Variants in KCNN3 observed in about 807,000 individuals in gnomAD.
KCNN3 encodes potassium calcium-activated channel subfamily N member 3.
A neutral mutation model predicts 62.9 loss-of-function variants in KCNN3; 16 were observed. The ratio of observed to expected loss-of-function variants is 0.25; its 90% CI spans 0.17 to 0.39. KCNN3 has a LOEUF of 0.39. Among genes scored for constraint, KCNN3 ranks in the 10% least tolerant of loss-of-function variants. KCNN3 has a pLI of 1.00. For synonymous variants in KCNN3, 370 were observed against 389.2 expected, an observed-to-expected ratio of 0.95 and a Z score of 0.58; for missense variants, 599 against 949.4, an observed-to-expected ratio of 0.63 and a Z score of 4.85.
chr1:154,807,968 G>A (rs1390599616), intron 2 of KCNN3, among the ~76,000 whole-genome samples: 2 of 152,076 alleles, frequency 1.3e-5, no homozygotes, highest in Non-Finnish European at 2.9e-5. Context: ...GTACTCTAAG[G>A]TCAGAGCAGG....
chr1:154,772,665 T>C lies in KCNN3; in HGVS notation c.1030-272A>G, dbSNP rs1389050690. Among the ~76,000 whole-genome samples the C allele has an allele frequency of 1.3e-5, 2 of 152,238 alleles. No individual in the cohort carries two copies. The highest frequency in any genetic ancestry group is 4.8e-5 in the African/African-American group (2 of 41,466). On this transcript the variant is annotated intron_variant, in intron 2 of 7. Coordinates refer to ENST00000271915, the MANE Select transcript of KCNN3 (RefSeq NM_002249.6). The surrounding 1 kb of genome is among the most constrained non-coding windows in gnomAD (Gnocchi z 5.6). ...CTGCAAATCGCTGCCTGAGATATAG[T>C]GATTTATAATAAGAAATAATGTACT...
At position 154,772,914 on chromosome 1, in the gene KCNN3, G is replaced by A. The variant is rs920306098; in HGVS notation, c.1030-521C>T. ...ACCTCCTGAGAAGGAAGAGGGGCCC[G>A]AAGGTTGAGTTGATCACCAATGGCC... On this transcript the variant is annotated intron_variant, in intron 2 of 7. Transcript: ENST00000271915. The surrounding 1 kb of genome is among the most constrained non-coding windows in gnomAD (Gnocchi z 5.6). Among the ~76,000 whole-genome samples, 1 of 152,124 alleles carries A rather than the reference G, an allele frequency of 6.6e-6. No homozygotes were observed. The highest frequency in any genetic ancestry group is 1.5e-5 in the Non-Finnish European group (1 of 68,024).
At chr1:154,807,263 G>GA (rs1223756072) in intron 2 of KCNN3, among the ~76,000 whole-genome samples, 2 of 152,076 alleles carry the variant, frequency 1.3e-5, no homozygotes, top group Non-Finnish European at 2.9e-5. Flanking sequence ...CTGAGAAGAG[G>GA]AAAAAATGTC....
At chr1:154,736,239 C>CCCAAATTAAGTGCTCACTAAATGTCAG (rs1700709178) in intron 3 of KCNN3, among the ~76,000 whole-genome samples, 1 of 152,164 alleles carries the variant, frequency 6.6e-6, no homozygotes, top group African/African-American at 2.4e-5. Context: ...AGCACAGTGA[C>CCCAAATTAAGTGCTCACTAAATGTCAG]CCAAATTAAG....
At chr1:154,852,328 C>T (rs1473227613) in intron 1 of KCNN3, among the ~76,000 whole-genome samples, 2 of 151,418 alleles carry the variant, frequency 1.3e-5, no homozygotes, top group East Asian at 3.9e-4. Flanking sequence ...CTCAACCTCC[C>T]AAGTAGCTAG....
chr1:154,862,428 G>A lies in KCNN3; in HGVS notation c.933+6604C>T, dbSNP rs1652804096. 6.6e-6 allele frequency among the ~76,000 whole-genome samples: 1 copy of A among 152,158 alleles called. No homozygotes were observed. Among genetic ancestry groups the A allele is most frequent in the South Asian group, 2.1e-4 (1 of 4,830 alleles). ...GGAGGAGAAAGGCAGCCTAAGAGAA[G>A]AGCAAGGTGGAGGTGAGGGGTGAGA... On this transcript the variant is annotated intron_variant, in intron 1 of 7. Transcript: ENST00000271915. This position sits in a 1 kb window ranked among gnomAD's most constrained non-coding sequence, Gnocchi z 4.1.
At chr1:154,752,925 G>A (rs758800637) in intron 3 of KCNN3, among the ~76,000 whole-genome samples, 1 of 152,122 alleles carries the variant, frequency 6.6e-6, no homozygotes, top group African/African-American at 2.4e-5. Context: ...CCGAGCACCC[G>A]GCTCAGACTC....
chr1:154,847,713 C>T (rs1029176290), intron 1 of KCNN3, among the ~76,000 whole-genome samples: 2 of 152,186 alleles, frequency 1.3e-5, no homozygotes, highest in African/African-American at 4.8e-5. Context: ...GCAAGGAGGT[C>T]TTGCCTCTCC....
At chr1:154,785,420 G>T (rs936225996) in intron 2 of KCNN3, among the ~76,000 whole-genome samples, 1 of 152,056 alleles carries the variant, frequency 6.6e-6, no homozygotes, top group Non-Finnish European at 1.5e-5. Flanking sequence ...TGACTAAAAG[G>T]CCCTTCACCT....
intron 2 of KCNN3, among the ~76,000 whole-genome samples, chr1:154,784,187 C>A (rs951541114): frequency 6.6e-6 from 1 of 152,164 alleles, no homozygotes; most frequent in Non-Finnish European, 1.5e-5. Context: ...ACACCTTGGT[C>A]TCATCATGTG....
chr1:154,789,734 C>G (rs1649430569), intron 2 of KCNN3, among the ~76,000 whole-genome samples: 1 of 152,116 alleles, frequency 6.6e-6, no homozygotes, highest in African/African-American at 2.4e-5. Context: ...TTGTTACTCT[C>G]TAGACTGAGC....
intron 1 of KCNN3, among the ~76,000 whole-genome samples, chr1:154,829,712 C>T (rs1300459759): frequency 6.6e-6 from 1 of 152,230 alleles, no homozygotes; most frequent in African/African-American, 2.4e-5. Flanking sequence ...CCTGTGCCCT[C>T]CTCAGCCCCC....
At chr1:154,788,027 G>A (rs895695822) in intron 2 of KCNN3, among the ~76,000 whole-genome samples, 1 of 152,318 alleles carries the variant, frequency 6.6e-6, no homozygotes, top group East Asian at 1.9e-4. Context: ...CAAGAGAGGG[G>A]CATGCTAGGG....
At chr1:154,746,970 C>T (rs1309767240) in intron 3 of KCNN3, among the ~76,000 whole-genome samples, 1 of 152,170 alleles carries the variant, frequency 6.6e-6, no homozygotes, top group Non-Finnish European at 1.5e-5. Context: ...GTAAACTAAG[C>T]TCAACCGATC....
At chr1:154,789,298 C>T (rs1649411853) in intron 2 of KCNN3, among the ~76,000 whole-genome samples, 1 of 152,166 alleles carries the variant, frequency 6.6e-6, no homozygotes, top group East Asian at 1.9e-4. Context: ...GTTTAGATCC[C>T]ACCTGGATAA....
intron 2 of KCNN3, among the ~76,000 whole-genome samples, chr1:154,784,389 G>A (rs374000843): frequency 3.3e-5 from 5 of 152,212 alleles, no homozygotes; most frequent in African/African-American, 7.2e-5. Context: ...TGCCACACCC[G>A]GTGTCTCATC....
At chr1:154,708,520 G>GA (rs991192476) in intron 7 of KCNN3, among the ~76,000 whole-genome samples, 23 of 151,578 alleles carry the variant, frequency 1.5e-4, no homozygotes, top group Non-Finnish European at 3.4e-4. Flanking sequence ...GCACCAAGGG[G>GA]AAAAAAATGG....
At chr1:154,769,434 G>GAC (rs760768148) in intron 3 of KCNN3, among the ~76,000 whole-genome samples, 1 of 152,238 alleles carries the variant, frequency 6.6e-6, no homozygotes, top group African/African-American at 2.4e-5. Flanking sequence ...TCTGCAGAGA[G>GAC]AGAGAGAGAG....
intron 6 of KCNN3, among the ~76,000 whole-genome samples, chr1:154,714,193 GGTGTGTGTGTC>G (rs1294998104): frequency 4.6e-4 from 54 of 116,452 alleles, no homozygotes; most frequent in African/African-American, 1.8e-3. Flanking sequence ...GTGTGTGTGT[GGTGTGTGTGTC>G]GTATGTGGTG....
Sources: gnomAD v4.1 joint callset for allele counts (sites outside exome capture counted in the v4.1 genomes callset) on GRCh38, gnomAD v4.1.1 for gene constraint, Gnocchi (gnomAD v3.1) non-coding constraint, MANE v1.5 for transcripts, NCBI Gene and HGNC (gene_info 2026-07-23, HGNC 2026-07-21) for gene names.